PTPRT: variants seen among roughly 807,000 people sequenced by gnomAD.
The protein encoded by PTPRT is protein tyrosine phosphatase receptor type T.
In PTPRT, 56 loss-of-function variants were observed where a neutral mutation model predicts 176.8. The observed-to-expected ratio is 0.32, with a 90% CI of 0.26 to 0.40. PTPRT has a LOEUF of 0.40. Ranked by LOEUF, PTPRT falls within the 10% of genes least tolerant of loss-of-function variation. The pLI, the probability that PTPRT is intolerant of heterozygous loss-of-function variation, is 1.00. For missense variants in PTPRT, 1,540 were observed against 1,908.2 expected (o/e 0.81, Z 3.60); for synonymous variants, 783 against 739.0 (o/e 1.06, Z -0.96).
intron 7 of PTPRT, among the ~76,000 whole-genome samples, chr20:42,625,681 C>T (rs2074276996): frequency 1.3e-5 from 2 of 151,878 alleles, no homozygotes; most frequent in South Asian, 2.1e-4. Flanking sequence ...CTCAGAGGAA[C>T]ATTATTAGAA....
intron 15 of PTPRT, among the ~76,000 whole-genome samples, chr20:42,219,287 G>C (rs2055832829): frequency 6.6e-6 from 1 of 152,152 alleles, no homozygotes; most frequent in Non-Finnish European, 1.5e-5. Context: ...TCTGCCTACT[G>C]CTTCAAACAC....
intron 1 of PTPRT, among the ~76,000 whole-genome samples, chr20:43,111,199 T>C (rs1035158771): frequency 1.3e-5 from 2 of 152,080 alleles, no homozygotes; most frequent in African/African-American, 2.4e-5. Flanking sequence ...ACACAAGCTA[T>C]AGGAGTAAGT....
At chr20:42,826,446 A>G (rs1041453991) in intron 2 of PTPRT, among the ~76,000 whole-genome samples, 3 of 152,234 alleles carry the variant, frequency 2.0e-5, no homozygotes, top group Admixed American at 6.5e-5. Context: ...TCTCTTAAAT[A>G]TGAATGGATA....
chr20:42,209,870 T>C (rs7344943), intron 15 of PTPRT, among the ~76,000 whole-genome samples: 47,650 of 151,580 alleles, frequency 0.31, 8,403 homozygotes, highest in East Asian at 0.38. Flanking sequence ...ACCAATATCC[T>C]TGATGAACAT....
chr20:42,597,121 G>T (rs188706950), intron 7 of PTPRT, among the ~76,000 whole-genome samples: 3 of 152,114 alleles, frequency 2.0e-5, no homozygotes, highest in Non-Finnish European at 4.4e-5. Context: ...TCTTCCAAGC[G>T]CACATAATTA....
chr20:42,141,057 T>G (rs1342472894), intron 18 of PTPRT, among the ~76,000 whole-genome samples: 2 of 152,170 alleles, frequency 1.3e-5, no homozygotes, highest in South Asian at 4.1e-4. Flanking sequence ...ACTTCATCAA[T>G]GAGTCATTCA....
At chr20:42,918,683 C>G (rs1203203812) in intron 1 of PTPRT, among the ~76,000 whole-genome samples, 6 of 152,130 alleles carry the variant, frequency 3.9e-5, no homozygotes, top group Non-Finnish European at 5.9e-5. Context: ...GACACTGTCT[C>G]TAGTTTAGAA....
At chr20:42,248,124 C>T (rs943222424) in intron 14 of PTPRT, among the ~76,000 whole-genome samples, 2 of 152,048 alleles carry the variant, frequency 1.3e-5, no homozygotes, top group Non-Finnish European at 2.9e-5. Context: ...ACAACAGCAA[C>T]CCAGCTGGGA....
At chr20:42,048,521 C>T in the PTPRT span, among the ~76,000 whole-genome samples, 25 of 152,250 alleles carry the variant, frequency 1.6e-4, 1 homozygote, top group South Asian at 2.3e-3. Flanking sequence ...AAGAATGCTA[C>T]GGCTGCCACG....
chr20:43,110,466 T>C (rs1056021692), intron 1 of PTPRT, among the ~76,000 whole-genome samples: 10 of 152,132 alleles, frequency 6.6e-5, no homozygotes, highest in African/African-American at 2.2e-4. Context: ...GCTGATAGTT[T>C]TAAACATCAC....
chr20:42,486,239 T>C (rs935164164), intron 7 of PTPRT, among the ~76,000 whole-genome samples: 1 of 152,218 alleles, frequency 6.6e-6, no homozygotes, highest in African/African-American at 2.4e-5. Context: ...CACCAAATGA[T>C]ACTTCTTCAT....
In PTPRT at chr20:42,256,503, G is replaced by GAA. The variant is rs71193653; in HGVS notation, c.2177-7683_2177-7682dup. Among the ~76,000 whole-genome samples the GAA allele has an allele frequency of 2.6e-3, 376 of 147,114 alleles. 1 individual carries two copies. Among genetic ancestry groups the GAA allele is most frequent in the South Asian group, 7.8e-3 (36 of 4,636 alleles). ...GCTGTTGCTGACTTTTTTTAAAAATGAAAAAAAAAATGTATTTCAGATACT... is the reference window on the plus strand; with the variant it reads ...GCTGTTGCTGACTTTTTTTAAAAATGAAAAAAAAAAAATGTATTTCAGATACT... On this transcript the variant is annotated intron_variant, in intron 13 of 30. Coordinates refer to ENST00000373187, the MANE Select transcript of PTPRT (RefSeq NM_007050.6).
chr20:42,461,974 G>C (rs1306007245), intron 8 of PTPRT, among the ~76,000 whole-genome samples: 1 of 151,406 alleles, frequency 6.6e-6, no homozygotes, highest in East Asian at 1.9e-4. Flanking sequence ...GGTGGAAAGG[G>C]GACAATTGCT....
At position 42,940,348 on chromosome 20, in the gene PTPRT, A is replaced by G. The variant is rs138545274; in HGVS notation, c.89-54416T>C. Among the ~76,000 whole-genome samples the G allele has an allele frequency of 5.7e-3, 870 of 152,316 alleles. 7 individuals are homozygous for G. Among genetic ancestry groups the G allele is most frequent in the African/African-American group, 0.02 (837 of 41,572 alleles). The stretch of plus-strand genomic sequence containing the variant: ...TTAGCAGCCTTTGATGTTGTCAAAG[A>G]GCTCACAAGCTCACTGGGGAAATGA... On this transcript the variant is annotated intron_variant, in intron 1 of 30. Coordinates refer to ENST00000373187, the MANE Select transcript of PTPRT (RefSeq NM_007050.6).
chr20:42,652,160 C>T (rs1035856834), intron 7 of PTPRT, among the ~76,000 whole-genome samples: 2 of 151,700 alleles, frequency 1.3e-5, no homozygotes, highest in Non-Finnish European at 2.9e-5. Context: ...ATGCCTGCCA[C>T]ATATTGTTTC....
At chr20:42,873,436 AG>A (rs2078878135) in intron 2 of PTPRT, among the ~76,000 whole-genome samples, 1 of 152,222 alleles carries the variant, frequency 6.6e-6, no homozygotes, top group African/African-American at 2.4e-5. Context: ...TCTCAAAGAG[AG>A]ATATCCCTGT....
intron 4 of PTPRT, among the ~76,000 whole-genome samples, chr20:42,778,528 C>A (rs545238149): frequency 3.3e-5 from 5 of 152,248 alleles, no homozygotes; most frequent in Admixed American, 1.3e-4. Context: ...GAGGCAAGCA[C>A]GCTCTGAGTG....
intron 7 of PTPRT, among the ~76,000 whole-genome samples, chr20:42,554,112 A>G (rs962233706): frequency 3.9e-5 from 6 of 152,170 alleles, no homozygotes; most frequent in Admixed American, 3.9e-4. Context: ...TTGGGAGAAG[A>G]GAAAAGAGTC....
rs377524064 is a variant in PTPRT, at chr20:42,301,504, T to G, written c.2139+14219A>C. Among the ~76,000 whole-genome samples, 36 of 152,300 alleles carry G rather than the reference T, an allele frequency of 2.4e-4. No individual in the cohort carries two copies. In the East Asian group the frequency reaches 5.4e-3, roughly 23 times the overall value. ...TTAAATTTACTAAAAAGTATATGACTGAGACAATTGGCAAAACTGAGGCTA... is the reference window on the plus strand; with the variant it reads ...TTAAATTTACTAAAAAGTATATGACGGAGACAATTGGCAAAACTGAGGCTA... On this transcript the variant is annotated intron_variant, in intron 12 of 30. Coordinates refer to ENST00000373187, the MANE Select transcript of PTPRT (RefSeq NM_007050.6).
Sources: allele counts gnomAD v4.1 joint callset (sites outside exome capture counted in the v4.1 genomes callset), GRCh38; gene constraint gnomAD v4.1.1; transcripts MANE v1.5; gene names NCBI Gene and HGNC (gene_info 2026-07-23, HGNC 2026-07-21).